Variants in GRIP1 observed in about 807,000 individuals in gnomAD.
GRIP1 encodes the protein glutamate receptor-interacting protein 1.
GRIP1 carries 45 observed loss-of-function variants against 129.9 expected under a neutral mutation model. The observed-to-expected ratio is 0.35, with a 90% CI of 0.27 to 0.44. The LOEUF is 0.44. GRIP1 is among the 20% of genes least tolerant of loss of function. GRIP1 has a pLI of 1.00. For missense variants in GRIP1, 1,196 were observed against 1,396.8 expected, an observed-to-expected ratio of 0.86 and a Z score of 2.29; for synonymous variants, 530 against 520.8, an observed-to-expected ratio of 1.02 and a Z score of -0.24.
At chr12:66,444,379 G>A (rs1330545900) in intron 13 of GRIP1, among the ~76,000 whole-genome samples, 3 of 151,272 alleles carry the variant, frequency 2.0e-5, no homozygotes, top group African/African-American at 4.9e-5. Context: ...CCAGCTACTC[G>A]GGAGGCTGAG....
At chr12:66,363,200 C>CATATATATATAT (rs35452357) in intron 23 of GRIP1, among the ~76,000 whole-genome samples, 6 of 88,280 alleles carry the variant, frequency 6.8e-5, no homozygotes, top group African/African-American at 2.5e-4. Flanking sequence ...TGTGTGTGTC[C>CATATATATATAT]ATATATATAT....
intron 14 of GRIP1, among the ~76,000 whole-genome samples, chr12:66,429,519 A>G (rs1320851823): frequency 6.6e-6 from 1 of 151,962 alleles, no homozygotes; most frequent in Non-Finnish European, 1.5e-5. Flanking sequence ...CAACACAGTG[A>G]GACTTTATCT....
At chr12:66,649,109 T>C (rs76490286) in intron 1 of GRIP1, among the ~76,000 whole-genome samples, 10,292 of 152,294 alleles carry the variant, frequency 0.068, 466 homozygotes, top group Non-Finnish European at 0.096. Flanking sequence ...AAAAAAAGAA[T>C]CTATATATTT....
intron 1 of GRIP1, among the ~76,000 whole-genome samples, chr12:67,020,836 G>C (rs1005315306): frequency 2.0e-5 from 3 of 151,990 alleles, no homozygotes; most frequent in Non-Finnish European, 2.9e-5. Context: ...GCAGTAGCTC[G>C]CACCTATAAT....
chr12:67,037,486 T>C (rs1247399220), intron 1 of GRIP1: 1 of 151,940 alleles, frequency 6.6e-6, no homozygotes, highest in African/African-American at 2.4e-5. Context: ...AAATTCTGCA[T>C]ACATTGCTGT....
chr12:66,531,254 T>A (rs1246234474), intron 4 of GRIP1, among the ~76,000 whole-genome samples: 405 of 4,066 alleles, frequency 0.1, 4 homozygotes, highest in African/African-American at 0.13. Flanking sequence ...AAAAAAAAAA[T>A]ATATATATAT....
intron 1 of GRIP1, among the ~76,000 whole-genome samples, chr12:66,676,874 A>ACT (rs1290970376): frequency 1.3e-5 from 2 of 152,154 alleles, no homozygotes; most frequent in Non-Finnish European, 2.9e-5. Context: ...GGGTGCTAGA[A>ACT]CTCAATGAAT....
intron 1 of GRIP1, among the ~76,000 whole-genome samples, chr12:66,689,729 T>C (rs1441724084): frequency 1.3e-5 from 2 of 152,050 alleles, no homozygotes; most frequent in Non-Finnish European, 2.9e-5. Context: ...CAATACAGTA[T>C]TATTAACTAT....
intron 1 of GRIP1, among the ~76,000 whole-genome samples, chr12:66,706,118 A>G (rs956737431): frequency 6.6e-6 from 1 of 152,220 alleles, no homozygotes; most frequent in Non-Finnish European, 1.5e-5. Context: ...GTGAACAAGC[A>G]ACCTACAGAA....
At chr12:66,589,460 G>T (rs1179122115) in intron 2 of GRIP1, among the ~76,000 whole-genome samples, 2 of 152,114 alleles carry the variant, frequency 1.3e-5, no homozygotes, top group Non-Finnish European at 2.9e-5. Flanking sequence ...ACAAAGTGAA[G>T]TTTTGTGGTT....
chr12:66,381,710 G>C (rs2056117688), intron 19 of GRIP1, among the ~76,000 whole-genome samples: 1 of 152,172 alleles, frequency 6.6e-6, no homozygotes. Flanking sequence ...GTGCAAGAAT[G>C]GGCTTGAGCA....
intron 1 of GRIP1, among the ~76,000 whole-genome samples, chr12:67,027,245 T>C (rs928970472): frequency 3.3e-5 from 5 of 152,218 alleles, no homozygotes; most frequent in African/African-American, 9.6e-5. Context: ...CCTTGGGAAA[T>C]GCTCAGTTTT....
chr12:66,451,383 GTTTTTTTTTTTTTTTTT>G (rs1169331519), intron 11 of GRIP1, among the ~76,000 whole-genome samples: 71 of 42,648 alleles, frequency 1.7e-3, no homozygotes, highest in Middle Eastern at 0.017. Flanking sequence ...ATTATAATCT[GTTTTTTTTTTTTTTTTT>G]TTTTTTTTTT....
At chr12:66,490,203 GC>G (rs889783935) in intron 7 of GRIP1, among the ~76,000 whole-genome samples, 2 of 152,100 alleles carry the variant, frequency 1.3e-5, no homozygotes, top group Non-Finnish European at 2.9e-5. Flanking sequence ...AAAGCTGGAG[GC>G]ATCATACCAC....
intron 2 of GRIP1, among the ~76,000 whole-genome samples, chr12:66,567,220 G>A (rs769439914): frequency 1.3e-4 from 20 of 152,068 alleles, no homozygotes; most frequent in Non-Finnish European, 2.8e-4. Context: ...TGATGTTAGG[G>A]TATCGATTTT....
intron 7 of GRIP1, among the ~76,000 whole-genome samples, chr12:66,503,307 G>C (rs1018986696): frequency 6.6e-6 from 1 of 152,102 alleles, no homozygotes; most frequent in Admixed American, 6.6e-5. Flanking sequence ...GAAACCTTCA[G>C]ATGGGCATGC....
At chr12:66,940,899 GA>G (rs898330787) in intron 1 of GRIP1, among the ~76,000 whole-genome samples, 8 of 151,790 alleles carry the variant, frequency 5.3e-5, no homozygotes, top group African/African-American at 1.7e-4. Context: ...ATTCTTTGTG[GA>G]AAAAAAGTGA....
chr12:66,383,444 G>C (rs977568300), intron 19 of GRIP1, among the ~76,000 whole-genome samples: 15 of 152,080 alleles, frequency 9.9e-5, no homozygotes, highest in Non-Finnish European at 1.6e-4. Flanking sequence ...TCCTAAGAAG[G>C]GAAAAGTATT....
At chr12:66,363,226 TA>T (rs2054912416) in intron 23 of GRIP1, among the ~76,000 whole-genome samples, 1 of 133,512 alleles carries the variant, frequency 7.5e-6, no homozygotes, top group Non-Finnish European at 1.6e-5. Context: ...TATATATATA[TA>T]TAAAGTTTCT....
Sources: allele counts gnomAD v4.1 joint callset (sites outside exome capture counted in the v4.1 genomes callset), GRCh38; gene constraint gnomAD v4.1.1; transcripts MANE v1.5; gene names NCBI Gene and HGNC (gene_info 2026-07-23, HGNC 2026-07-21).